The following CACNA2D3 variants were observed in gnomAD, a reference collection of about 807,000 sequenced individuals.
The protein encoded by CACNA2D3 is calcium voltage-gated channel auxiliary subunit alpha2delta 3.
A neutral mutation model predicts 160.6 loss-of-function variants in CACNA2D3; 60 were observed. The ratio of observed to expected loss-of-function variants is 0.37; its 90% CI spans 0.30 to 0.46. The LOEUF (loss-of-function observed/expected upper bound fraction) is 0.46, where lower values mean the gene tolerates loss of function less well. Among genes scored for constraint, CACNA2D3 ranks in the 20% least tolerant of loss-of-function variants. The pLI is 1.00. For synonymous variants in CACNA2D3, 558 were observed against 492.9 expected (o/e 1.13, Z -1.75); for missense variants, 1,205 against 1,365.0 (o/e 0.88, Z 1.85).
intron 4 of CACNA2D3, among the ~76,000 whole-genome samples, chr3:54,431,106 A>T (rs975610196): frequency 2.6e-5 from 4 of 152,102 alleles, no homozygotes; most frequent in African/African-American, 9.7e-5. Context: ...TGGGAGGCTG[A>T]GGTGGGTGGA....
chr3:54,530,953 GC>G (rs1312840011), intron 5 of CACNA2D3, among the ~76,000 whole-genome samples: 1 of 152,072 alleles, frequency 6.6e-6, no homozygotes, highest in Non-Finnish European at 1.5e-5. Flanking sequence ...GGCTGAACAG[GC>G]CAGAGAATAC....
At position 54,248,084 on chromosome 3, in the gene CACNA2D3, C is replaced by G. The variant is rs563817231; in HGVS notation, c.205-72358C>G. Among the ~76,000 whole-genome samples the G allele has an allele frequency of 9.2e-5, 14 of 152,278 alleles. No homozygotes were observed. The South Asian group carries it at 1.0e-3, about 11-fold the overall frequency. ...TATGGACTCAGTTGTGTCCTCCCACCTCCAAAAGGTGTAGGTCGAAGCTCT... is the reference window on the plus strand; with the variant it reads ...TATGGACTCAGTTGTGTCCTCCCACGTCCAAAAGGTGTAGGTCGAAGCTCT... On this transcript the variant is annotated intron_variant, in intron 2 of 37. Coordinates refer to ENST00000474759, the MANE Select transcript of CACNA2D3 (RefSeq NM_018398.3).
intron 5 of CACNA2D3, among the ~76,000 whole-genome samples, chr3:54,561,925 T>G (rs1214343603): frequency 6.6e-6 from 1 of 152,242 alleles, no homozygotes; most frequent in Non-Finnish European, 1.5e-5. Flanking sequence ...AGGCACATCT[T>G]ACATGGTAAC....
At chr3:54,589,542 G>C (rs534422788) in intron 9 of CACNA2D3, among the ~76,000 whole-genome samples, 1 of 149,666 alleles carries the variant, frequency 6.7e-6, no homozygotes, top group Non-Finnish European at 1.5e-5. Flanking sequence ...TGTTAAAATG[G>C]ATCTCATTAA....
At position 54,892,600 on chromosome 3, in the gene CACNA2D3, T is replaced by G. The variant is rs145222097; in HGVS notation, c.2246+1150T>G. On this transcript the variant is annotated intron_variant, in intron 25 of 37. Coordinates refer to ENST00000474759, the MANE Select transcript of CACNA2D3 (RefSeq NM_018398.3). The stretch of plus-strand genomic sequence containing the variant: ...TAGTTGCAACTTGATTTTTAACGAC[T>G]TTTTTAAGCGTTTTTCCCCCAGACA... Among the ~76,000 whole-genome samples the G allele has an allele frequency of 3.6e-3, 544 of 152,288 alleles. 4 individuals carry two copies. The highest frequency in any genetic ancestry group is 0.012 in the African/African-American group (499 of 41,546).
intron 2 of CACNA2D3, among the ~76,000 whole-genome samples, chr3:54,292,350 T>G (rs1703228491): frequency 6.6e-6 from 1 of 152,134 alleles, no homozygotes; most frequent in South Asian, 2.1e-4. Context: ...AGAAATTAAT[T>G]TTTTTGTGCT....
chr3:54,143,979 T>C (rs975413836), intron 2 of CACNA2D3, among the ~76,000 whole-genome samples: 8 of 152,200 alleles, frequency 5.3e-5, no homozygotes, highest in African/African-American at 1.9e-4. Context: ...AAAATGCTGC[T>C]TTTTCATATG....
At chr3:54,569,705 C>A in intron 6 of CACNA2D3, 90 bp from the exon 7 acceptor site, 2 of 1,040,438 alleles carry the variant, frequency 1.9e-6, no homozygotes, top group Non-Finnish European at 2.9e-6. Flanking sequence ...TTCACCCTGT[C>A]CATTCAATCA....
intron 2 of CACNA2D3, among the ~76,000 whole-genome samples, chr3:54,188,316 A>T (rs1700918448): frequency 6.6e-6 from 1 of 152,226 alleles, no homozygotes; most frequent in Admixed American, 6.5e-5. Context: ...CCCTGTAGGG[A>T]TAGCACAGCT....
chr3:54,522,920 A>AC (rs1701666729), intron 5 of CACNA2D3, among the ~76,000 whole-genome samples: 1 of 129,426 alleles, frequency 7.7e-6, no homozygotes, highest in East Asian at 2.7e-4. Flanking sequence ...TTATTTATTT[A>AC]TTTATTTATT....
intron 27 of CACNA2D3, among the ~76,000 whole-genome samples, chr3:54,965,340 A>G (rs1013764730): frequency 1.3e-5 from 2 of 152,090 alleles, no homozygotes; most frequent in Non-Finnish European, 2.9e-5. Flanking sequence ...CAAGCCTCCA[A>G]ACAAATGATG....
intron 35 of CACNA2D3, among the ~76,000 whole-genome samples, chr3:55,062,275 T>TAC (rs1704530282): frequency 7.8e-6 from 1 of 127,394 alleles, no homozygotes; most frequent in Non-Finnish European, 1.6e-5. Flanking sequence ...ACACATCATA[T>TAC]CTGTCTTTTT....
chr3:54,727,351 A>G (rs1405419898), intron 11 of CACNA2D3, among the ~76,000 whole-genome samples: 2 of 152,202 alleles, frequency 1.3e-5, no homozygotes, highest in Non-Finnish European at 2.9e-5. Context: ...CAGTGTGGCA[A>G]TTCCTCAAGG....
chr3:54,923,406 C>T (rs951129036), intron 27 of CACNA2D3, among the ~76,000 whole-genome samples: 2 of 152,128 alleles, frequency 1.3e-5, no homozygotes, highest in Non-Finnish European at 2.9e-5. Context: ...CATTCCTCCT[C>T]AGTCTTTGGG....
At chr3:54,947,197 C>G (rs1486311807) in intron 27 of CACNA2D3, among the ~76,000 whole-genome samples, 1 of 152,136 alleles carries the variant, frequency 6.6e-6, no homozygotes, top group South Asian at 2.1e-4. Context: ...AAGTAACTTG[C>G]CTAAATCCCT....
chr3:54,968,596 C>G, intron 28 of CACNA2D3, 85 bp downstream of exon 28: 1 of 930,446 alleles, frequency 1.1e-6, no homozygotes, highest in African/African-American at 1.6e-5. Context: ...CCTGAAAGTG[C>G]CAGATTTCCG....
chr3:54,645,180 C>T (rs1027609597), intron 11 of CACNA2D3, among the ~76,000 whole-genome samples: 7 of 152,210 alleles, frequency 4.6e-5, no homozygotes, highest in East Asian at 1.9e-4. Flanking sequence ...TCTTACATGG[C>T]GGCAGGTAAG....
chr3:54,752,677 G>A lies in CACNA2D3; in HGVS notation c.1246G>A (p.Gly416Arg), dbSNP rs1223656093. The A allele has an allele frequency of 1.2e-6, 2 of 1,611,160 alleles. No homozygotes were observed. Residue 416 changes from glycine (G) to arginine (R), a missense_variant and splice_region_variant, in exon 12 of 38, where the codon GGA (glycine) becomes AGA (arginine). Coordinates refer to ENST00000474759, the MANE Select transcript of CACNA2D3 (RefSeq NM_018398.3). ...NLKWMACANKGFFTQISTLAD... is the reference protein window; with the variant it reads ...NLKWMACANKRFFTQISTLAD... ...AAAGTGGATGGCCTGTGCCAACAAA[G>A]GTGGGTCTTCGCATTGTGCTCGGCT...
At chr3:54,331,806 T>C (rs541041416) in intron 3 of CACNA2D3, among the ~76,000 whole-genome samples, 1 of 152,322 alleles carries the variant, frequency 6.6e-6, no homozygotes, top group South Asian at 2.1e-4. Flanking sequence ...CCCTCACCTA[T>C]TAAAAGTTCT....
Sources: gnomAD v4.1 joint callset for allele counts (sites outside exome capture counted in the v4.1 genomes callset) on GRCh38, gnomAD v4.1.1 for gene constraint, MANE v1.5 for transcripts, NCBI Gene and HGNC (gene_info 2026-07-23, HGNC 2026-07-21) for gene names.